Variants in P3H3 observed in about 807,000 individuals in gnomAD.
P3H3 encodes the protein gene rich cluster, B.
A neutral mutation model predicts 78.1 loss-of-function variants in P3H3; 64 were observed. That is an observed-to-expected ratio of 0.82 (90% CI 0.67 to 1.01). The LOEUF (loss-of-function observed/expected upper bound fraction) is 1.01. Among genes scored for constraint, P3H3 ranks in the 50% least tolerant of loss-of-function variants. The probability of loss-of-function intolerance (pLI) is 0.00; values close to 1 mark genes in which losing one functional copy is unlikely to be tolerated. For missense variants in P3H3, 975 were observed against 982.2 expected (o/e 0.99, Z 0.10); for synonymous variants, 425 against 416.7 (o/e 1.02, Z -0.24).
In P3H3 at chr12:6,837,057, G is replaced by C; in HGVS notation, c.1531G>C (p.Glu511Gln). Reference sequence around the variant, plus strand: ...CCCTCACACCCCCCATGAACGCTTCGAGGGGCTCACGGTGCTTAAGGCTGC... The same window carrying C: ...CCCTCACACCCCCCATGAACGCTTCCAGGGGCTCACGGTGCTTAAGGCTGC... ...RSPHTPHERFEGLTVLKAAQL... is the reference protein window; with the variant it reads ...RSPHTPHERFQGLTVLKAAQL... Residue 511 changes from glutamate to glutamine, a missense_variant, in exon 10 of 15, where the codon GAG (glutamate) becomes CAG (glutamine). Glu to Gln is a conservative substitution (Grantham distance 29). Transcript: ENST00000290510. The C allele has an allele frequency of 6.2e-7, 1 of 1,606,426 alleles. No homozygotes were observed. The highest frequency in any genetic ancestry group is 8.5e-7 in the Non-Finnish European group (1 of 1,179,778).
intron 6 of P3H3, among the ~76,000 whole-genome samples, chr12:6,833,034 G>T (rs1435415030): frequency 3.3e-5 from 5 of 151,946 alleles, no homozygotes; most frequent in Admixed American, 3.3e-4. Flanking sequence ...AATTAGCTGG[G>T]CGTGGTGGCG....
chr12:6,831,262 C>T lies in P3H3; in HGVS notation c.1032C>T (p.Leu344=), dbSNP rs1555121376. Residue 344 remains leucine, a synonymous_variant, in exon 5 of 15, where the codon CTC becomes CTT. Transcript: ENST00000290510. The surrounding 1 kb of genome is among the most constrained non-coding windows in gnomAD (Gnocchi z 4.6). ...TAGAAAATGTCCTGAGTGTCCTGCT[C>T]TTCTACCCGGAGGATGAGGCTGCCA... ...QAIENVLSVL[L]FYPEDEAAKR... 1.1e-5 allele frequency: 18 copies of T among 1,613,900 alleles called. No homozygotes were observed. Among genetic ancestry groups the T allele is most frequent in the Non-Finnish European group, 1.5e-5 (18 of 1,179,840 alleles).
chr12:6,836,785 A>G (rs1346437456), intron 9 of P3H3, among the ~76,000 whole-genome samples, 200 bp from the exon 10 acceptor site: 1 of 152,132 alleles, frequency 6.6e-6, no homozygotes, highest in African/African-American at 2.4e-5. Flanking sequence ...TCCAGCCCGT[A>G]CCAGAGAGGG....
Position 6,828,468 on chromosome 12 carries a change from C to T in P3H3, c.28C>T (p.Leu10=). The change falls in exon 1 of 15, where the codon CTA becomes TTA. Residue 10 remains leucine (L), a synonymous_variant. Transcript: ENST00000290510. MLRLLRPLL[L]LLLLPPPGSP... ...GCTCCGGCTCCTCCGGCCGCTGCTG[C>T]TACTGCTGCTGCTGCCTCCCCCGGG... 2.4e-6 allele frequency: 3 copies of T among 1,229,232 alleles called. No individual in the cohort carries two copies. The highest frequency in any genetic ancestry group is 2.2e-6 in the Non-Finnish European group (2 of 906,822). 76.1% of individuals were successfully genotyped at this position (1,229,232 alleles called of 1,614,324 possible). A position where few individuals can be genotyped will look rare whatever the true frequency, so the allele number is the denominator to read the frequency against.
rs781950431 is a variant in P3H3 at position 6,831,358 on chromosome 12, C to CCCCT, written c.1122+8_1122+11dup. On this transcript the variant is annotated splice_region_variant and intron_variant, in intron 5 of 14. Transcript: ENST00000290510. This position sits in a 1 kb window ranked among gnomAD's most constrained non-coding sequence, Gnocchi z 4.6. ...CTGGCCTCGGACCCAGAGAGGTAAT[C>CCCCT]CCCTCTCCACGCTCACCTGGGAGGT... The CCCCT allele has an allele frequency of 6.2e-7, 1 of 1,613,472 alleles. No homozygotes were observed. Among genetic ancestry groups the CCCCT allele is most frequent in the Non-Finnish European group, 8.5e-7 (1 of 1,179,790 alleles).
At position 6,831,121 on chromosome 12, in the gene P3H3, T is replaced by C; in HGVS notation, c.986-95T>C. The stretch of plus-strand genomic sequence containing the variant: ...CTCTTGGAGTTAGCTGTCTGGCCTC[T>C]GGAGACCACCTTCTCCAGCACTGCC... On this transcript the variant is annotated intron_variant, in intron 4 of 14. Transcript: ENST00000290510. This position sits in a 1 kb window ranked among gnomAD's most constrained non-coding sequence, Gnocchi z 4.6. 1 of 1,529,966 alleles carries C rather than the reference T, an allele frequency of 6.5e-7. No individual in the cohort carries two copies. Among genetic ancestry groups the C allele is most frequent in the Non-Finnish European group, 9.1e-7 (1 of 1,104,860 alleles). 94.8% of individuals were successfully genotyped at this position (1,529,966 alleles called of 1,614,324 possible).
Position 6,839,643 on chromosome 12 carries a change from C to T in P3H3, c.*182C>T, listed in dbSNP as rs1214137290. On this transcript the variant is annotated 3_prime_UTR_variant, in exon 15 of 15. Coordinates refer to ENST00000290510, the MANE Select transcript of P3H3 (RefSeq NM_014262.5). ...ACTCAGAGGACAGTGCACAGGCTAG[C>T]CTGGAGCTCACCAGGCCTGGGGAGC... The T allele has an allele frequency of 1.3e-6, 1 of 795,254 alleles. No individual in the cohort carries two copies. Among genetic ancestry groups the T allele is most frequent in the Non-Finnish European group, 1.9e-6 (1 of 520,354 alleles). The allele number at this position is 795,254 out of a possible 1,614,324, so 49.3% of individuals were successfully genotyped here.
intron 10 of P3H3, 139 bp downstream of exon 10, chr12:6,837,225 G>A: frequency 1.0e-6 from 1 of 997,962 alleles, no homozygotes; most frequent in Non-Finnish European, 1.5e-6. Flanking sequence ...CCAGCGTGGA[G>A]AAAAGGGATG....
rs782100767 is a variant in P3H3 at position 6,837,268 on chromosome 12, G to A, written c.1561-155G>A. 150 of 1,124,818 alleles carry A rather than the reference G, an allele frequency of 1.3e-4. 1 individual carries two copies. In the East Asian group the frequency reaches 2.1e-3, roughly 16 times the overall value. The allele number at this position is 1,124,818 out of a possible 1,614,324, so 69.7% of individuals were successfully genotyped here. A position where few individuals can be genotyped will look rare whatever the true frequency, so the allele number is the denominator to read the frequency against. On this transcript the variant is annotated intron_variant, in intron 10 of 14. Coordinates refer to ENST00000290510, the MANE Select transcript of P3H3 (RefSeq NM_014262.5). ...AGCTGGGGCCGGGGTTGTTGTCATGGAGAGAGAAGGAGCAGTTTGGGCTGA... is the reference window on the plus strand; with the variant it reads ...AGCTGGGGCCGGGGTTGTTGTCATGAAGAGAGAAGGAGCAGTTTGGGCTGA...
Position 6,828,899 on chromosome 12 carries a change from T to A in P3H3, c.459T>A (p.Arg153=). The A allele has an allele frequency of 8.0e-7, 1 of 1,246,736 alleles. No individual in the cohort carries two copies. Among genetic ancestry groups the A allele is most frequent in the Non-Finnish European group, 1.0e-6 (1 of 995,530 alleles). 77.2% of individuals were successfully genotyped at this position (1,246,736 alleles called of 1,614,324 possible). The change falls in exon 1 of 15, where the codon CGT becomes CGA. Residue 153 remains arginine, a synonymous_variant. Coordinates refer to ENST00000290510, the MANE Select transcript of P3H3 (RefSeq NM_014262.5). ...GCGCGCTCCGGGACGCCTTCCGCCGTCGGGAGCCCTACAACTACCTGCAGA... is the reference window on the plus strand; with the variant it reads ...GCGCGCTCCGGGACGCCTTCCGCCGACGGGAGCCCTACAACTACCTGCAGA... ...VGSALRDAFR[R]REPYNYLQRA... is the part of the protein sequence containing the mutation.
Position 6,834,003 on chromosome 12 carries a change from G to T in P3H3, c.1412G>T (p.Gly471Val). The change falls in exon 9 of 15, where the codon GGG becomes GTG. Residue 471 changes from glycine to valine, a missense_variant. Coordinates refer to ENST00000290510, the MANE Select transcript of P3H3 (RefSeq NM_014262.5). ...LNGSERAVLD[G>V]LLTPAECGVL... ...GGGTCGGAGCGGGCGGTGTTGGATG[G>T]GCTGCTCACCCCAGCCGAGTGTGGG... The T allele has an allele frequency of 6.2e-7, 1 of 1,613,808 alleles. No individual in the cohort carries two copies. The highest frequency in any genetic ancestry group is 8.5e-7 in the Non-Finnish European group (1 of 1,179,872).
chr12:6,834,076 T>C (rs1555121832), intron 9 of P3H3, 27 bp downstream of exon 9: 3 of 1,612,044 alleles, frequency 1.9e-6, no homozygotes, highest in Admixed American at 3.3e-5. Context: ...GCTCATCAGC[T>C]CGTTCAAGAC....
rs143457114 is a variant in P3H3 at position 6,839,484 on chromosome 12, G to A, written c.*23G>A. On this transcript the variant is annotated 3_prime_UTR_variant, in exon 15 of 15. Coordinates refer to ENST00000290510, the MANE Select transcript of P3H3 (RefSeq NM_014262.5). ...TGAGTGGCTGAGCCAGCTCCTTGAGGATGTGGCCACTTGACTTGTGGAAGG... is the reference window on the plus strand; with the variant it reads ...TGAGTGGCTGAGCCAGCTCCTTGAGAATGTGGCCACTTGACTTGTGGAAGG... 6.6e-4 allele frequency: 1,013 copies of A among 1,546,524 alleles called. 3 individuals are homozygous for A. In the Middle Eastern group the frequency reaches 0.014, roughly 22 times the overall value.
At position 6,829,970 on chromosome 12, in the gene P3H3, C is replaced by G; in HGVS notation, c.610C>G (p.Arg204Gly). 6.2e-7 allele frequency: 1 copy of G among 1,614,008 alleles called. No individual in the cohort carries two copies. The highest frequency in any genetic ancestry group is 8.5e-7 in the Non-Finnish European group (1 of 1,179,882). The change falls in exon 2 of 15, where the codon CGG (arginine) becomes GGG (glycine). Residue 204 changes from arginine to glycine, a missense_variant. Physicochemically the swap from Arg to Gly is moderately radical, Grantham distance 125 (BLOSUM62 -2). Coordinates refer to ENST00000290510, the MANE Select transcript of P3H3 (RefSeq NM_014262.5). This position sits in a 1 kb window ranked among gnomAD's most constrained non-coding sequence, Gnocchi z 5.1. ...TAAGTACAGACGAATGTCGGGAGTT[C>G]GGCCCCAGAGCTTCCGGGACCTGGA... ...MAKYRRMSGV[R>G]PQSFRDLETP...
rs1943514745 is a variant in P3H3 at position 6,837,790 on chromosome 12, G to A, written c.1770G>A (p.Leu590=). The change falls in exon 12 of 15, where the codon CTG becomes CTA. Residue 590 remains leucine, a synonymous_variant. Transcript: ENST00000290510. The part of the protein sequence containing the change: ...SHPVHADNCV[L]DPDTGECWRE... The stretch of plus-strand genomic sequence containing the variant: ...CAGTGCACGCAGACAACTGCGTCCT[G>A]GACCCTGACACGGGAGAGTGCTGGC... The A allele has an allele frequency of 1.2e-6, 2 of 1,613,494 alleles. No homozygotes were observed. The highest frequency in any genetic ancestry group is 1.7e-5 in the Admixed American group (1 of 59,956).
rs946819169 is a variant in P3H3, at chr12:6,829,472, G to A, written c.499-387G>A. ...GCCTACGTGGCTGGGGAAGCGGGGC[G>A]CCGGTTGTACTCACCTCAGCTCAGG... On this transcript the variant is annotated intron_variant, in intron 1 of 14. Coordinates refer to ENST00000290510, the MANE Select transcript of P3H3 (RefSeq NM_014262.5). This position sits in a 1 kb window ranked among gnomAD's most constrained non-coding sequence, Gnocchi z 5.1. 7 of 231,444 alleles carry A rather than the reference G, an allele frequency of 3.0e-5. No homozygotes were observed. The Admixed American group carries it at 4.1e-4, about 13-fold the overall frequency. The allele number at this position is 231,444 out of a possible 1,614,324, so 14.3% of individuals were successfully genotyped here.
Position 6,828,497 on chromosome 12 carries a change from C to T in P3H3, c.57C>T (p.Ser19=), listed in dbSNP as rs781798233. ...LLLLLLPPPG[S]PEPPGLTQLS... is the part of the protein sequence containing the mutation. ...TGCTGCTGCTGCCTCCCCCGGGGTC[C>T]CCTGAGCCCCCCGGCCTGACCCAGC... Residue 19 remains serine, a synonymous_variant, in exon 1 of 15, where the codon TCC becomes TCT. Transcript: ENST00000290510. 20 of 1,342,146 alleles carry T rather than the reference C, an allele frequency of 1.5e-5. No individual in the cohort carries two copies. In the Middle Eastern group the frequency reaches 7.4e-4, roughly 50 times the overall value. 83.1% of individuals were successfully genotyped at this position (1,342,146 alleles called of 1,614,324 possible). A position where few individuals can be genotyped will look rare whatever the true frequency, so the allele number is the denominator to read the frequency against.
At position 6,828,723 on chromosome 12, in the gene P3H3, G is replaced by C. The variant is rs1270823927; in HGVS notation, c.283G>C (p.Gly95Arg). ...PGAALPAVLL[G>R]APEPDSGPGP... ...CGCCGCGCTCCCCGCCGTGCTTCTC[G>C]GGGCCCCGGAGCCCGACTCCGGGCC... The change falls in exon 1 of 15, where the codon GGG (glycine) becomes CGG (arginine). Residue 95 changes from glycine (G) to arginine (R), a missense_variant. By Grantham distance (125) the Gly-to-Arg change is moderately radical. Coordinates refer to ENST00000290510, the MANE Select transcript of P3H3 (RefSeq NM_014262.5). 8.0e-7 allele frequency: 1 copy of C among 1,246,544 alleles called. No homozygotes were observed. Among genetic ancestry groups the C allele is most frequent in the Non-Finnish European group, 1.0e-6 (1 of 996,370 alleles). 77.2% of individuals were successfully genotyped at this position (1,246,544 alleles called of 1,614,324 possible).
In P3H3 at chr12:6,839,597, T is replaced by G. The variant is rs1455999767; in HGVS notation, c.*136T>G. ...CTCTGTCCCTGCACCCCCACCATCT[T>G]GGGGACCTACAAGGGCCTGGACTCA... On this transcript the variant is annotated 3_prime_UTR_variant, in exon 15 of 15. Transcript: ENST00000290510. The G allele has an allele frequency of 2.4e-5, 26 of 1,082,020 alleles. No homozygotes were observed. Among genetic ancestry groups the G allele is most frequent in the Non-Finnish European group, 3.4e-5 (26 of 771,564 alleles). 67.0% of individuals were successfully genotyped at this position (1,082,020 alleles called of 1,614,324 possible). A position where few individuals can be genotyped will look rare whatever the true frequency, so the allele number is the denominator to read the frequency against.
Sources: allele counts gnomAD v4.1 joint callset (sites outside exome capture counted in the v4.1 genomes callset), GRCh38; gene constraint gnomAD v4.1.1; non-coding constraint Gnocchi (gnomAD v3.1); transcripts MANE v1.5; gene names NCBI Gene and HGNC (gene_info 2026-07-23, HGNC 2026-07-21).